Variants in RPS9 observed in about 807,000 individuals in gnomAD.
RPS9 encodes the protein small ribosomal subunit protein uS4.
RPS9 carries 1 observed loss-of-function variant against 16.9 expected under a neutral mutation model. The ratio of observed to expected loss-of-function variants is 0.06; its 90% CI spans 0.02 to 0.28. The LOEUF (loss-of-function observed/expected upper bound fraction) is 0.28. Among genes scored for constraint, RPS9 ranks in the 10% least tolerant of loss-of-function variants. The pLI is 1.00. For synonymous variants in RPS9, 106 were observed against 110.9 expected (o/e 0.96, Z 0.28); for missense variants, 137 against 273.2 (o/e 0.50, Z 3.51).
intron 4 of RPS9, chr19:54,207,038 C>T (rs952458679): frequency 1.6e-5 from 7 of 440,290 alleles, no homozygotes; most frequent in Non-Finnish European, 2.5e-5. Flanking sequence ...TTATTGTGGG[C>T]ATTGCTGCTG....
chr19:54,201,136 C>A lies in RPS9; in HGVS notation c.-25-24C>A, dbSNP rs76193453. ...GCGCAGGCGCCGTTTGGATCCCTTA[C>A]GCTCACACTTCTCTCCCGCGCAGGC... is the stretch of plus-strand genomic sequence containing the variant. On this transcript the variant is annotated intron_variant, in intron 1 of 4. Coordinates refer to ENST00000302907, the MANE Select transcript of RPS9 (RefSeq NM_001013.4). 99 of 1,611,990 alleles carry A rather than the reference C, an allele frequency of 6.1e-5. No individual in the cohort carries two copies. In the East Asian group the frequency reaches 1.9e-3, roughly 31 times the overall value.
In RPS9 at chr19:54,201,471, C is replaced by G; in HGVS notation, c.98-16C>G. 2 of 1,613,990 alleles carry G rather than the reference C, an allele frequency of 1.2e-6. No individual in the cohort carries two copies. The highest frequency in any genetic ancestry group is 1.7e-6 in the Non-Finnish European group (2 of 1,179,956). On this transcript the variant is annotated splice_polypyrimidine_tract_variant and intron_variant, in intron 2 of 4. Transcript: ENST00000302907. The stretch of plus-strand genomic sequence containing the variant: ...GTACGTGGGACTACACTTGTCCACC[C>G]CCTTCTCCCCACCAGGCGAGTATGG...
At chr19:54,203,074 C>G (rs1490306841) in intron 3 of RPS9, 17 of 985,304 alleles carry the variant, frequency 1.7e-5, no homozygotes, top group South Asian at 4.7e-5. Flanking sequence ...CCCATAGATA[C>G]TGATGCTGGG....
At chr19:54,202,782 C>T in intron 3 of RPS9, 1 of 985,408 alleles carries the variant, frequency 1.0e-6, no homozygotes, top group Non-Finnish European at 1.2e-6. Context: ...TGAGAGTGGT[C>T]ATCCATGTTA....
At position 54,201,820 on chromosome 19, in the gene RPS9, T is replaced by G. The variant is rs556043126; in HGVS notation, c.220+211T>G. On this transcript the variant is annotated intron_variant, in intron 3 of 4. Transcript: ENST00000302907. Reference sequence around the variant, plus strand: ...GGTGTGTGGCTTTTTTGCCCAGTTATTGGACCTTCAGTTTAGTAATGACCA... The same window carrying G: ...GGTGTGTGGCTTTTTTGCCCAGTTAGTGGACCTTCAGTTTAGTAATGACCA... 6 of 1,064,468 alleles carry G rather than the reference T, an allele frequency of 5.6e-6. No individual in the cohort carries two copies. The South Asian group carries it at 1.0e-4, about 19-fold the overall frequency. 65.9% of individuals were successfully genotyped at this position (1,064,468 alleles called of 1,614,324 possible).
At chr19:54,207,204 G>A in intron 4 of RPS9, 194 bp from the exon 5 acceptor site, 1 of 544,034 alleles carries the variant, frequency 1.8e-6, no homozygotes, top group South Asian at 2.6e-5. Flanking sequence ...GTCATCTGAA[G>A]CATTTTTGGG....
chr19:54,204,709 G>C (rs1225283707), intron 3 of RPS9, among the ~76,000 whole-genome samples: 1 of 152,214 alleles, frequency 6.6e-6, no homozygotes, highest in Non-Finnish European at 1.5e-5. Context: ...ATAAGGGACT[G>C]TGCGTGGCTT....
intron 3 of RPS9, 135 bp from the exon 4 acceptor site, chr19:54,206,141 G>C (rs902624237): frequency 1.2e-6 from 1 of 817,002 alleles, no homozygotes; most frequent in African/African-American, 1.7e-5. Flanking sequence ...ACAGTGACAT[G>C]GGTCACGGTG....
chr19:54,202,510 T>C (rs1194807933), intron 3 of RPS9: 12 of 981,384 alleles, frequency 1.2e-5, no homozygotes, highest in South Asian at 4.7e-5. Context: ...GTGATGACTT[T>C]AGGAGGGCAT....
rs564849033 is a variant in RPS9 at position 54,204,608 on chromosome 19, C to T, written c.221-1668C>T. Reference sequence around the variant, plus strand: ...TTGTTTGTTTTGGTACAAATGCGGTCTCACTGTGTTGCCGAGGCTAGTTTC... The same window carrying T: ...TTGTTTGTTTTGGTACAAATGCGGTTTCACTGTGTTGCCGAGGCTAGTTTC... On this transcript the variant is annotated intron_variant, in intron 3 of 4. Coordinates refer to ENST00000302907, the MANE Select transcript of RPS9 (RefSeq NM_001013.4). Among the ~76,000 whole-genome samples, 4 of 152,250 alleles carry T rather than the reference C, an allele frequency of 2.6e-5. No homozygotes were observed. In the South Asian group the frequency reaches 8.3e-4, roughly 32 times the overall value.
At position 54,200,949 on chromosome 19, in the gene RPS9, C is replaced by T. The variant is rs553992789; in HGVS notation, c.-26+61C>T. 8 of 1,408,834 alleles carry T rather than the reference C, an allele frequency of 5.7e-6. No individual in the cohort carries two copies. The Admixed American group carries it at 9.2e-5, about 16-fold the overall frequency. The allele number at this position is 1,408,834 out of a possible 1,614,324, so 87.3% of individuals were successfully genotyped here. ...GGGTTGGATGGTGGCCCGGGCCTTCCGAGTTTCCATGAGTAAGCTAAAGAC... is the reference window on the plus strand; with the variant it reads ...GGGTTGGATGGTGGCCCGGGCCTTCTGAGTTTCCATGAGTAAGCTAAAGAC... On this transcript the variant is annotated intron_variant, in intron 1 of 4. Transcript: ENST00000302907.
At chr19:54,206,138 C>T (rs1001375054) in intron 3 of RPS9, 138 bp from the exon 4 acceptor site, 8 of 809,440 alleles carry the variant, frequency 9.9e-6, no homozygotes, top group South Asian at 3.6e-5. Flanking sequence ...TTGACAGTGA[C>T]ATGGGTCACG....
At chr19:54,206,987 T>A in intron 4 of RPS9, 1 of 435,812 alleles carries the variant, frequency 2.3e-6, no homozygotes, top group South Asian at 3.1e-5. Context: ...GAGCCTTGTG[T>A]GTCAATGCTT....
At chr19:54,207,108 TGGG>T (rs956961182) in intron 4 of RPS9, 1 of 479,026 alleles carries the variant, frequency 2.1e-6, no homozygotes, top group Non-Finnish European at 3.7e-6. Context: ...ACTCGGAACT[TGGG>T]GGCTCTCACA....
At position 54,201,182 on chromosome 19, in the gene RPS9, A is replaced by G. The variant is rs781201338; in HGVS notation, c.-3A>G. The stretch of plus-strand genomic sequence containing the variant: ...CAGGCGCAGACGGGGAAGCGGAGCC[A>G]ACATGCCAGTGGCCCGGAGCTGGGT... On this transcript the variant is annotated 5_prime_UTR_variant, in exon 2 of 5. Transcript: ENST00000302907. 3.1e-6 allele frequency: 5 copies of G among 1,600,998 alleles called. No homozygotes were observed. In the South Asian group the frequency reaches 5.5e-5, roughly 18 times the overall value.
chr19:54,205,756 C>G (rs2077219257), intron 3 of RPS9, among the ~76,000 whole-genome samples: 2 of 152,124 alleles, frequency 1.3e-5, no homozygotes, highest in Admixed American at 1.3e-4. Context: ...TGTATTTTGC[C>G]CTCCTGTCAT....
chr19:54,206,729 C>T, intron 4 of RPS9: 13 of 1,484,194 alleles, frequency 8.8e-6, no homozygotes, highest in Non-Finnish European at 1.1e-5. Context: ...GGACAGGTAA[C>T]AGCTCTTGGT....
At chr19:54,202,689 G>A (rs1200814333) in intron 3 of RPS9, 6 of 985,282 alleles carry the variant, frequency 6.1e-6, no homozygotes, top group African/African-American at 1.7e-5. Flanking sequence ...TGTATATCCT[G>A]AGACGCTGCT....
chr19:54,202,596 C>T (rs1265713159), intron 3 of RPS9: 3 of 985,068 alleles, frequency 3.0e-6, no homozygotes, highest in Non-Finnish European at 3.6e-6. Context: ...ACCATCTTAA[C>T]CATCTTGTTT....
Sources: gnomAD v4.1 joint callset for allele counts (sites outside exome capture counted in the v4.1 genomes callset) on GRCh38, gnomAD v4.1.1 for gene constraint, MANE v1.5 for transcripts, NCBI Gene and HGNC (gene_info 2026-07-23, HGNC 2026-07-21) for gene names.